Variants in ZNF438 observed in about 807,000 individuals in gnomAD.
ZNF438 encodes zinc finger protein 438.
Under a neutral mutation model 38.0 loss-of-function variants are expected in ZNF438, and 25 were observed. The ratio of observed to expected loss-of-function variants is 0.66; its 90% CI spans 0.48 to 0.92. The LOEUF is 0.92. Among genes scored for constraint, ZNF438 ranks in the 40% least tolerant of loss-of-function variants. The pLI is 0.00. For missense variants in ZNF438, 1,007 were observed against 999.6 expected, an observed-to-expected ratio of 1.01 and a Z score of -0.10; for synonymous variants, 372 against 364.1, an observed-to-expected ratio of 1.02 and a Z score of -0.25.
intron 3 of ZNF438, among the ~76,000 whole-genome samples, chr10:30,880,430 TAAAAAAAAAAAA>T (rs60365494): frequency 8.9e-6 from 1 of 111,926 alleles, no homozygotes; most frequent in South Asian, 3.1e-4. Context: ...AAATTCTATC[TAAAAAAAAAAAA>T]AAAAAGAAAA....
rs376119294 is a variant in ZNF438 at position 30,849,445 on chromosome 10, T to C, written c.960A>G (p.Pro320=). 34 of 1,614,108 alleles carry C rather than the reference T, an allele frequency of 2.1e-5. No individual in the cohort carries two copies. Among genetic ancestry groups the C allele is most frequent in the Non-Finnish European group, 2.8e-5 (33 of 1,180,050 alleles). The change falls in exon 5 of 6, where the codon CCA becomes CCG. Residue 320 remains proline, a synonymous_variant. Coordinates refer to ENST00000413025, the Ensembl canonical transcript of ZNF438. ...TCTTATCACAGTCGGCCTTAGGTCC[T>C]GGTAAAGAAAAACCTGCAATGTTAG...
chr10:30,990,847 A>G (rs371807227), intron 1 of ZNF438, among the ~76,000 whole-genome samples: 2 of 151,594 alleles, frequency 1.3e-5, no homozygotes, highest in East Asian at 3.9e-4. Context: ...AGATTAAGAG[A>G]GATTGAAGAT....
chr10:30,855,427 G>T (rs1588790321), intron 4 of ZNF438, among the ~76,000 whole-genome samples: 1 of 152,324 alleles, frequency 6.6e-6, no homozygotes, highest in Middle Eastern at 3.4e-3. Context: ...TTTGTGGGGT[G>T]AAAAGATAAG....
chr10:30,902,169 TTC>T (rs1234968598), intron 3 of ZNF438, among the ~76,000 whole-genome samples: 1 of 152,190 alleles, frequency 6.6e-6, no homozygotes, highest in Admixed American at 6.5e-5. Flanking sequence ...CCTGCTTTTA[TTC>T]TCTTATCTGG....
In ZNF438 at chr10:30,874,276, G is replaced by A. The variant is rs185927435; in HGVS notation, c.37+2722C>T. Among the ~76,000 whole-genome samples the A allele has an allele frequency of 2.1e-3, 315 of 151,514 alleles. 2 individuals carry two copies. Among genetic ancestry groups the A allele is most frequent in the African/African-American group, 7.5e-3 (309 of 41,376 alleles). ...CAATCCTCCTAGCTCAGCCTTCCAA[G>A]TAGCTGGGACTATAGGCATGAGCCA... On this transcript the variant is annotated intron_variant, in intron 4 of 5. Transcript: ENST00000413025.
chr10:31,003,963 T>C (rs955811413), intron 1 of ZNF438, among the ~76,000 whole-genome samples: 2 of 152,168 alleles, frequency 1.3e-5, no homozygotes, highest in African/African-American at 4.8e-5. Flanking sequence ...TCACATTAAA[T>C]TTGCAATGCC....
At chr10:30,977,749 C>A (rs1243332162) in intron 1 of ZNF438, among the ~76,000 whole-genome samples, 1 of 152,032 alleles carries the variant, frequency 6.6e-6, no homozygotes, top group Non-Finnish European at 1.5e-5. Flanking sequence ...CTTTGGGAGG[C>A]CGAGGCTAGC....
chr10:31,000,909 A>G (rs1376208200), intron 1 of ZNF438, among the ~76,000 whole-genome samples: 1 of 152,152 alleles, frequency 6.6e-6, no homozygotes, highest in Non-Finnish European at 1.5e-5. Context: ...ATGTATTTCT[A>G]CACTTCTACC....
chr10:30,974,385 A>T (rs1462750823), intron 1 of ZNF438, among the ~76,000 whole-genome samples: 2 of 152,218 alleles, frequency 1.3e-5, no homozygotes, highest in Admixed American at 6.5e-5. Context: ...AGGTGGGAGG[A>T]TCGCTTTAGC....
chr10:30,857,975 C>G (rs2034953600), intron 4 of ZNF438, among the ~76,000 whole-genome samples: 1 of 152,238 alleles, frequency 6.6e-6, no homozygotes, highest in Non-Finnish European at 1.5e-5. Flanking sequence ...ATTGGCAGAA[C>G]CAAAGCCTGC....
chr10:30,956,827 A>G (rs773815949), intron 1 of ZNF438, among the ~76,000 whole-genome samples: 11 of 152,178 alleles, frequency 7.2e-5, no homozygotes, highest in Non-Finnish European at 1.3e-4. Context: ...TGGCTATTGT[A>G]ACTAGTGCTG....
At chr10:30,964,365 C>T (rs1342472227) in intron 1 of ZNF438, among the ~76,000 whole-genome samples, 2 of 152,162 alleles carry the variant, frequency 1.3e-5, no homozygotes, top group South Asian at 4.1e-4. Flanking sequence ...GATTCTTGTC[C>T]ATGCCTCTCA....
intron 1 of ZNF438, among the ~76,000 whole-genome samples, chr10:31,031,310 G>A (rs1420647936): frequency 6.6e-6 from 1 of 152,198 alleles, no homozygotes; most frequent in African/African-American, 2.4e-5. Context: ...GAGGCCAGAG[G>A]CTGCTGTACC....
chr10:31,024,425 G>A (rs2056807385), intron 1 of ZNF438, among the ~76,000 whole-genome samples: 1 of 152,086 alleles, frequency 6.6e-6, no homozygotes, highest in African/African-American at 2.4e-5. Context: ...AGGAGATCGA[G>A]ACCATCCTGG....
At chr10:30,947,415 T>C (rs1040600201) in intron 1 of ZNF438, among the ~76,000 whole-genome samples, 2 of 152,374 alleles carry the variant, frequency 1.3e-5, no homozygotes, top group Non-Finnish European at 2.9e-5. Flanking sequence ...TCTTAAAACA[T>C]TGCTCTCTTC....
At chr10:31,030,258 A>C (rs1023671778) in intron 1 of ZNF438, among the ~76,000 whole-genome samples, 1 of 151,926 alleles carries the variant, frequency 6.6e-6, no homozygotes, top group African/African-American at 2.4e-5. Context: ...CTGTTCCCCC[A>C]CTGTCCTCCT....
chr10:30,846,661 G>A (rs1467725363), intron 5 of ZNF438, among the ~76,000 whole-genome samples: 2 of 152,202 alleles, frequency 1.3e-5, no homozygotes, highest in Non-Finnish European at 2.9e-5. Flanking sequence ...TGCCCAAGCT[G>A]CAGCTGTGAC....
chr10:30,890,401 T>C (rs912809452), intron 3 of ZNF438, among the ~76,000 whole-genome samples: 32 of 152,244 alleles, frequency 2.1e-4, no homozygotes, highest in African/African-American at 7.5e-4. Context: ...TGCAAATTTA[T>C]ATTTTTAATT....
At chr10:30,951,799 A>G (rs949181927) in intron 1 of ZNF438, among the ~76,000 whole-genome samples, 1 of 149,332 alleles carries the variant, frequency 6.7e-6, no homozygotes, top group African/African-American at 2.4e-5. Context: ...AGGAAGAATC[A>G]ATACCATGAA....
Sources: allele counts gnomAD v4.1 joint callset (sites outside exome capture counted in the v4.1 genomes callset), GRCh38; gene constraint gnomAD v4.1.1; transcripts MANE v1.5; gene names NCBI Gene and HGNC (gene_info 2026-07-23, HGNC 2026-07-21).